The following ZFHX3 variants were observed in gnomAD, a reference collection of about 807,000 sequenced individuals.
The protein encoded by ZFHX3 is zinc finger homeobox 3, also known as zinc finger homeobox protein 3.
In ZFHX3, 42 loss-of-function variants were observed where a neutral mutation model predicts 279.1. The ratio of observed to expected loss-of-function variants is 0.15; its 90% CI spans 0.12 to 0.19. ZFHX3 has a LOEUF of 0.19. Ranked by LOEUF, ZFHX3 falls within the 10% of genes least tolerant of loss-of-function variation. The pLI is 1.00. For missense variants in ZFHX3, 4,981 were observed against 4,754.0 expected, an observed-to-expected ratio of 1.05 and a Z score of -1.40; for synonymous variants, 2,293 against 1,957.8, an observed-to-expected ratio of 1.17 and a Z score of -4.52.
intron 2 of ZFHX3, among the ~76,000 whole-genome samples, chr16:73,545,290 TTTC>T (rs1303291250): frequency 2.6e-5 from 4 of 152,230 alleles, no homozygotes; most frequent in Admixed American, 6.5e-5. Flanking sequence ...TCTCTTTCCT[TTTC>T]TTCTCAGAAT....
At chr16:73,072,643 C>T (rs1965838258) in intron 8 of ZFHX3, among the ~76,000 whole-genome samples, 1 of 152,166 alleles carries the variant, frequency 6.6e-6, no homozygotes, top group Non-Finnish European at 1.5e-5. Flanking sequence ...TAACTCATTG[C>T]AGCCTCCAAC....
intron 3 of ZFHX3, among the ~76,000 whole-genome samples, chr16:73,444,969 A>G (rs937127254): frequency 4.0e-5 from 6 of 150,598 alleles, no homozygotes; most frequent in Non-Finnish European, 3.0e-5. Context: ...AAAAAAAAAA[A>G]AAAAAAAAAA....
At chr16:73,753,670 C>A (rs1467789182) in intron 1 of ZFHX3, among the ~76,000 whole-genome samples, 1 of 152,236 alleles carries the variant, frequency 6.6e-6, no homozygotes, top group Non-Finnish European at 1.5e-5. Context: ...CCCTCAAATG[C>A]TTTGCTGGGC....
intron 3 of ZFHX3, among the ~76,000 whole-genome samples, chr16:72,896,446 C>T (rs192673501): frequency 6.6e-6 from 1 of 152,116 alleles, no homozygotes. Context: ...AGAGGCACCT[C>T]GGATAAAGGG....
rs1965353759 is a variant in ZFHX3, at chr16:73,047,804, C to A, written c.-102G>T. On this transcript the variant is annotated 5_prime_UTR_variant, in exon 1 of 10. It introduces an in-frame stop codon into an upstream open reading frame of the 5' UTR. Coordinates refer to ENST00000268489, the MANE Select transcript of ZFHX3 (RefSeq NM_006885.4). ...CGGAGGGAGGCGGCACTTGCAGGTC[C>A]GGGGGCCGCGCCGCCATGCGCAACA... 1 of 152,376 alleles carries A rather than the reference C, an allele frequency of 6.6e-6. No homozygotes were observed. The highest frequency in any genetic ancestry group is 1.5e-5 in the Non-Finnish European group (1 of 68,222). The allele number at this position is 152,376 out of a possible 1,614,324, so 9.4% of individuals were successfully genotyped here.
intron 2 of ZFHX3, among the ~76,000 whole-genome samples, chr16:73,561,652 T>C (rs143038393): frequency 1.3e-5 from 2 of 151,332 alleles, no homozygotes; most frequent in Admixed American, 1.3e-4. Flanking sequence ...TTTATTATTC[T>C]TATACTTTAC....
intron 3 of ZFHX3, among the ~76,000 whole-genome samples, chr16:72,909,646 G>A (rs1254764262): frequency 6.6e-6 from 1 of 152,144 alleles, no homozygotes; most frequent in Non-Finnish European, 1.5e-5. Flanking sequence ...GGAGGCTGAG[G>A]TGGGAGGATC....
chr16:72,888,796 G>A (rs1235953442), intron 4 of ZFHX3, among the ~76,000 whole-genome samples: 1 of 152,196 alleles, frequency 6.6e-6, no homozygotes, highest in African/African-American at 2.4e-5. Context: ...TGGTGACAGA[G>A]GAAATGGGTT....
intron 3 of ZFHX3, chr16:73,421,067 A>C (rs934814449): frequency 1.3e-5 from 2 of 152,228 alleles, no homozygotes; most frequent in African/African-American, 4.8e-5. Flanking sequence ...AATTCAATTA[A>C]ATCATTTACA....
At chr16:72,953,396 C>T (rs1283149268) in intron 2 of ZFHX3, among the ~76,000 whole-genome samples, 1 of 152,118 alleles carries the variant, frequency 6.6e-6, no homozygotes, top group Non-Finnish European at 1.5e-5. Context: ...CAGAAACTGC[C>T]CGGAGGGTAA....
intron 3 of ZFHX3, among the ~76,000 whole-genome samples, chr16:72,948,050 C>A (rs13336412): frequency 0.58 from 88,654 of 152,030 alleles, 26,657 homozygotes; most frequent in Admixed American, 0.71. Flanking sequence ...CTTAGTCGTA[C>A]TGAGGGACCA....
intron 4 of ZFHX3, among the ~76,000 whole-genome samples, chr16:72,860,397 G>A (rs942117043): frequency 3.3e-5 from 5 of 152,044 alleles, no homozygotes; most frequent in East Asian, 1.9e-4. Context: ...AATATCAAAC[G>A]TGTGTCCCTC....
intron 3 of ZFHX3, among the ~76,000 whole-genome samples, chr16:72,912,182 T>C (rs968079877): frequency 2.6e-5 from 4 of 152,210 alleles, no homozygotes; most frequent in African/African-American, 4.8e-5. Flanking sequence ...AGCTCGACCC[T>C]GCCAGGCTCC....
intron 1 of ZFHX3, among the ~76,000 whole-genome samples, chr16:73,830,357 C>T (rs1326084984): frequency 1.3e-5 from 2 of 151,330 alleles, no homozygotes. Flanking sequence ...GCAGAAATCA[C>T]CCGTCTTCTG....
At chr16:73,337,914 C>G (rs1206710028) in intron 3 of ZFHX3, among the ~76,000 whole-genome samples, 1 of 125,214 alleles carries the variant, frequency 8.0e-6, no homozygotes, top group African/African-American at 2.7e-5. Context: ...TCCTCATCCC[C>G]TTTTTATGCC....
intron 4 of ZFHX3, among the ~76,000 whole-genome samples, chr16:72,878,794 T>G (rs1316976318): frequency 1.3e-5 from 2 of 152,174 alleles, no homozygotes; most frequent in African/African-American, 4.8e-5. Flanking sequence ...AAGTCCCTAC[T>G]CTGCTGCTGT....
At chr16:73,775,959 C>T (rs377391858) in intron 1 of ZFHX3, among the ~76,000 whole-genome samples, 6 of 152,138 alleles carry the variant, frequency 3.9e-5, no homozygotes, top group East Asian at 1.9e-4. Flanking sequence ...ATATACTAGG[C>T]TATATTTCAA....
At chr16:73,735,891 G>GTT (rs1172810644) in intron 1 of ZFHX3, among the ~76,000 whole-genome samples, 9 of 14,592 alleles carry the variant, frequency 6.2e-4, no homozygotes, top group South Asian at 4.7e-3. Flanking sequence ...CAGCCATTCC[G>GTT]TTTTTTTTTT....
chr16:73,410,292 T>A (rs1597323852), intron 3 of ZFHX3, among the ~76,000 whole-genome samples: 2 of 152,126 alleles, frequency 1.3e-5, no homozygotes, highest in Non-Finnish European at 2.9e-5. Flanking sequence ...AGCAGCTGCC[T>A]GTAATGCCAG....
Sources: gnomAD v4.1 joint callset for allele counts (sites outside exome capture counted in the v4.1 genomes callset) on GRCh38, gnomAD v4.1.1 for gene constraint, MANE v1.5 for transcripts, NCBI Gene and HGNC (gene_info 2026-07-23, HGNC 2026-07-21) for gene names.